Variants in PAM observed in about 807,000 individuals in gnomAD.
PAM encodes the protein peptidyl-glycine alpha-amidating monooxygenase.
PAM carries 72 observed loss-of-function variants against 122.1 expected under a neutral mutation model. That is an observed-to-expected ratio of 0.59 (90% CI 0.49 to 0.72). PAM has a LOEUF of 0.72. Ranked by LOEUF, PAM falls within the 30% of genes least tolerant of loss-of-function variation. PAM has a pLI of 0.00. For synonymous variants in PAM, 389 were observed against 404.4 expected, an observed-to-expected ratio of 0.96 and a Z score of 0.46; for missense variants, 1,106 against 1,183.7, an observed-to-expected ratio of 0.93 and a Z score of 0.96.
intron 1 of PAM, among the ~76,000 whole-genome samples, chr5:102,819,407 A>G (rs1409242003): frequency 6.6e-6 from 1 of 151,886 alleles, no homozygotes; most frequent in Non-Finnish European, 1.5e-5. Flanking sequence ...ACAAATATAC[A>G]TATAATAGTA....
chr5:102,870,378 T>C (rs1787008079), intron 3 of PAM, among the ~76,000 whole-genome samples: 2 of 152,224 alleles, frequency 1.3e-5, no homozygotes, highest in South Asian at 2.1e-4. Context: ...GAAAGAACCT[T>C]AGACATAATA....
chr5:102,984,361 G>A (rs748876770), intron 15 of PAM, among the ~76,000 whole-genome samples: 3 of 152,124 alleles, frequency 2.0e-5, no homozygotes, highest in East Asian at 3.8e-4. Flanking sequence ...CTGTAAAGAC[G>A]CATAAAGACT....
At chr5:102,885,599 C>T (rs879944206) in intron 3 of PAM, among the ~76,000 whole-genome samples, 2 of 151,888 alleles carry the variant, frequency 1.3e-5, no homozygotes, top group South Asian at 4.1e-4. Flanking sequence ...TATATTTTTT[C>T]TCAGCTTGTC....
intron 21 of PAM, among the ~76,000 whole-genome samples, chr5:103,011,330 C>T (rs1031449973): frequency 1.3e-5 from 2 of 151,738 alleles, no homozygotes; most frequent in African/African-American, 4.8e-5. Context: ...TAACCACCGC[C>T]ACCTAACCCC....
intron 3 of PAM, among the ~76,000 whole-genome samples, chr5:102,879,605 C>T (rs73192762): frequency 0.036 from 5,462 of 152,094 alleles, 315 homozygotes; most frequent in African/African-American, 0.12. Flanking sequence ...CCATGTAAGA[C>T]GTGCCTACTC....
chr5:102,936,848 T>C (rs1443818265), intron 7 of PAM, among the ~76,000 whole-genome samples: 3 of 152,114 alleles, frequency 2.0e-5, no homozygotes, highest in African/African-American at 7.2e-5. Flanking sequence ...CAAACTAAAC[T>C]TTGACAACTG....
At chr5:103,012,347 G>A (rs1780863315) in intron 21 of PAM, among the ~76,000 whole-genome samples, 1 of 152,150 alleles carries the variant, frequency 6.6e-6, no homozygotes, top group Non-Finnish European at 1.5e-5. Context: ...CCAGACAGAT[G>A]TCCTGAAGTG....
At chr5:102,847,365 G>A (rs180754307) in intron 1 of PAM, among the ~76,000 whole-genome samples, 253 of 152,246 alleles carry the variant, frequency 1.7e-3, no homozygotes, top group African/African-American at 5.7e-3. Flanking sequence ...CTTGAACCCG[G>A]TGGGTGGAGG....
At chr5:102,809,481 A>T (rs1269414567) in intron 1 of PAM, among the ~76,000 whole-genome samples, 1 of 152,204 alleles carries the variant, frequency 6.6e-6, no homozygotes, top group Non-Finnish European at 1.5e-5. Flanking sequence ...AGTAGAGTGG[A>T]TGGACTGGAG....
intron 7 of PAM, among the ~76,000 whole-genome samples, chr5:102,941,426 T>C (rs1250044038): frequency 6.6e-6 from 1 of 152,252 alleles, no homozygotes; most frequent in African/African-American, 2.4e-5. Flanking sequence ...TTTCCCATAG[T>C]GCTGGTTTAT....
chr5:102,869,764 C>T (rs528233275), intron 3 of PAM, among the ~76,000 whole-genome samples: 3 of 151,712 alleles, frequency 2.0e-5, no homozygotes, highest in South Asian at 2.1e-4. Flanking sequence ...GCTCTGATGC[C>T]GTAAGTACTT....
chr5:102,903,391 A>G (rs184647490), intron 4 of PAM, among the ~76,000 whole-genome samples: 1 of 151,732 alleles, frequency 6.6e-6, no homozygotes, highest in East Asian at 2.0e-4. Flanking sequence ...AGAGACAATT[A>G]GCAAATAATC....
intron 1 of PAM, among the ~76,000 whole-genome samples, chr5:102,840,404 T>C (rs990019903): frequency 1.3e-5 from 2 of 152,178 alleles, no homozygotes; most frequent in African/African-American, 4.8e-5. Context: ...GACTTGTACA[T>C]AGTGCATTCT....
Position 102,959,200 on chromosome 5 carries a change from A to G in PAM, c.906-675A>G, listed in dbSNP as rs118102582. 1.5e-4 allele frequency among the ~76,000 whole-genome samples: 23 copies of G among 152,188 alleles called. No individual in the cohort carries two copies. In the East Asian group the frequency reaches 3.3e-3, roughly 22 times the overall value. ...ACAGCACTACTTCCGTCACATCTCA[A>G]CCCTTAAAAAAGATTAGTGCTGATT... On this transcript the variant is annotated intron_variant, in intron 12 of 25. Transcript: ENST00000438793.
At chr5:102,823,691 A>G (rs1407823972) in intron 1 of PAM, among the ~76,000 whole-genome samples, 4 of 152,238 alleles carry the variant, frequency 2.6e-5, no homozygotes, top group African/African-American at 9.6e-5. Context: ...AAGAGTGAGC[A>G]TTAAGAAAGA....
chr5:102,888,720 T>C (rs963682451), intron 3 of PAM, among the ~76,000 whole-genome samples: 3 of 151,970 alleles, frequency 2.0e-5, no homozygotes, highest in Non-Finnish European at 4.4e-5. Flanking sequence ...TCCCTTCCTG[T>C]GTGAAAACTT....
intron 3 of PAM, among the ~76,000 whole-genome samples, chr5:102,878,486 A>G (rs1191109547): frequency 6.6e-6 from 1 of 152,086 alleles, no homozygotes; most frequent in Non-Finnish European, 1.5e-5. Context: ...AGAGTGTACT[A>G]CTTCTACTTC....
intron 1 of PAM, among the ~76,000 whole-genome samples, chr5:102,780,067 T>C (rs889289611): frequency 1.3e-5 from 2 of 151,794 alleles, no homozygotes; most frequent in Non-Finnish European, 2.9e-5. Flanking sequence ...CCATTCTGAA[T>C]AGCATGATGA....
intron 5 of PAM, among the ~76,000 whole-genome samples, chr5:102,918,989 A>G (rs945869691): frequency 2.6e-5 from 4 of 152,092 alleles, no homozygotes; most frequent in Non-Finnish European, 5.9e-5. Flanking sequence ...CTTAGGACCA[A>G]CTAATCTTAA....
Sources: gnomAD v4.1 joint callset for allele counts (sites outside exome capture counted in the v4.1 genomes callset) on GRCh38, gnomAD v4.1.1 for gene constraint, MANE v1.5 for transcripts, NCBI Gene and HGNC (gene_info 2026-07-23, HGNC 2026-07-21) for gene names.